WWOX: variants seen among roughly 807,000 people sequenced by gnomAD.
The protein encoded by WWOX is WW domain-containing oxidoreductase.
In WWOX, 69 loss-of-function variants were observed where a neutral mutation model predicts 46.2. The observed-to-expected ratio is 1.49, with a 90% CI of 1.23 to 1.82. The LOEUF is 1.82. Ranked by LOEUF, WWOX falls within the 40% of genes most tolerant of loss-of-function variation. WWOX has a pLI of 0.00. For missense variants in WWOX, 919 were observed against 542.6 expected, an observed-to-expected ratio of 1.69 and a Z score of -6.89; for synonymous variants, 359 against 202.6, an observed-to-expected ratio of 1.77 and a Z score of -6.56.
chr16:78,249,429 C>T (rs2037920314), intron 5 of WWOX, among the ~76,000 whole-genome samples: 1 of 152,194 alleles, frequency 6.6e-6, no homozygotes, highest in African/African-American at 2.4e-5. Context: ...CAGTGCACGC[C>T]GCATTAGCCT....
At chr16:79,048,536 G>T (rs2150524347) in intron 8 of WWOX, among the ~76,000 whole-genome samples, 1 of 152,016 alleles carries the variant, frequency 6.6e-6, no homozygotes, top group Non-Finnish European at 1.5e-5. Context: ...TAAAAATTTG[G>T]TATCAATTGT....
At chr16:78,321,805 C>T (rs1426597746) in intron 5 of WWOX, among the ~76,000 whole-genome samples, 1 of 152,116 alleles carries the variant, frequency 6.6e-6, no homozygotes, top group African/African-American at 2.4e-5. Flanking sequence ...TTAGTGTTTC[C>T]AGCACAGCTC....
In WWOX at chr16:78,561,833, C is replaced by T. The variant is rs539343868; in HGVS notation, c.1056+129081C>T. Among the ~76,000 whole-genome samples, 8 of 152,242 alleles carry T rather than the reference C, an allele frequency of 5.3e-5. No homozygotes were observed. The South Asian group carries it at 1.7e-3, about 32-fold the overall frequency. ...GGTTCCTTCTATGGCTCAGGATCTTCAGTTACCAGCAGTGGAAGTGAATTG... is the reference window on the plus strand; with the variant it reads ...GGTTCCTTCTATGGCTCAGGATCTTTAGTTACCAGCAGTGGAAGTGAATTG... On this transcript the variant is annotated intron_variant, in intron 8 of 8. Coordinates refer to ENST00000566780, the MANE Select transcript of WWOX (RefSeq NM_016373.4).
chr16:78,837,551 A>C (rs773804920), intron 8 of WWOX, among the ~76,000 whole-genome samples: 1 of 152,080 alleles, frequency 6.6e-6, no homozygotes, highest in Non-Finnish European at 1.5e-5. Context: ...TTTTTTTATT[A>C]TTATTTTTTA....
chr16:78,561,899 T>C (rs2044447573), intron 8 of WWOX, among the ~76,000 whole-genome samples: 1 of 152,202 alleles, frequency 6.6e-6, no homozygotes, highest in African/African-American at 2.4e-5. Context: ...CAACTCATTA[T>C]CTTCTCTGTG....
intron 8 of WWOX, among the ~76,000 whole-genome samples, chr16:78,764,755 A>G (rs1429483056): frequency 1.3e-5 from 2 of 151,628 alleles, no homozygotes; most frequent in South Asian, 2.1e-4. Context: ...TCAATGAGGT[A>G]CTGCTTGCAA....
Position 78,812,143 on chromosome 16 carries a change from A to T in WWOX, c.1056+379391A>T, listed in dbSNP as rs944619668. 5.3e-5 allele frequency among the ~76,000 whole-genome samples: 8 copies of T among 152,168 alleles called. No individual in the cohort carries two copies. The East Asian group carries it at 1.6e-3, about 30-fold the overall frequency. On this transcript the variant is annotated intron_variant, in intron 8 of 8. Coordinates refer to ENST00000566780, the MANE Select transcript of WWOX (RefSeq NM_016373.4). Reference sequence around the variant, plus strand: ...ACAGAGACCAAATACAGTAGGTACCAATGCATGGCAATGCATAGGAACTAG... The same window carrying T: ...ACAGAGACCAAATACAGTAGGTACCTATGCATGGCAATGCATAGGAACTAG...
chr16:78,151,592 G>T (rs1267619588), intron 4 of WWOX, among the ~76,000 whole-genome samples: 2 of 152,122 alleles, frequency 1.3e-5, no homozygotes. Flanking sequence ...GAAATACCTT[G>T]TTTGGAATAG....
chr16:78,321,256 A>G (rs2080460671), intron 5 of WWOX, among the ~76,000 whole-genome samples: 1 of 149,074 alleles, frequency 6.7e-6, no homozygotes, highest in African/African-American at 2.5e-5. Context: ...TTAAGGCAAC[A>G]CGTAGGTTCT....
At chr16:78,894,911 C>T (rs2044668491) in intron 8 of WWOX, among the ~76,000 whole-genome samples, 1 of 152,146 alleles carries the variant, frequency 6.6e-6, no homozygotes. Flanking sequence ...CAGAAATTAT[C>T]TGATGACGGG....
chr16:78,437,998 C>G (rs536268205), intron 8 of WWOX, among the ~76,000 whole-genome samples: 1 of 151,998 alleles, frequency 6.6e-6, no homozygotes, highest in Admixed American at 6.6e-5. Context: ...GGTTTTAATT[C>G]ACAAAACCAG....
chr16:78,685,051 C>G (rs1356798033), intron 8 of WWOX, among the ~76,000 whole-genome samples: 2 of 152,118 alleles, frequency 1.3e-5, no homozygotes, highest in Admixed American at 1.3e-4. Flanking sequence ...TTTCTCTGTG[C>G]TGTTCACTGT....
intron 8 of WWOX, chr16:78,898,599 C>A (rs909584482): frequency 2.0e-5 from 3 of 152,062 alleles, no homozygotes; most frequent in Non-Finnish European, 4.4e-5. Flanking sequence ...AGTTTAGATA[C>A]TTTCCTTTTA....
chr16:78,952,278 C>T (rs1206955085), intron 8 of WWOX, among the ~76,000 whole-genome samples: 2 of 152,164 alleles, frequency 1.3e-5, no homozygotes, highest in African/African-American at 4.8e-5. Context: ...GGAAGCCTTC[C>T]ATGACTGCAT....
At chr16:78,975,633 A>C (rs143384217) in intron 8 of WWOX, among the ~76,000 whole-genome samples, 5 of 152,048 alleles carry the variant, frequency 3.3e-5, no homozygotes, top group Admixed American at 1.3e-4. Flanking sequence ...TTATTCCCCA[A>C]CTGTCGTCCC....
intron 8 of WWOX, among the ~76,000 whole-genome samples, chr16:78,444,812 G>C (rs1567577466): frequency 6.6e-6 from 1 of 152,144 alleles, no homozygotes; most frequent in African/African-American, 2.4e-5. Flanking sequence ...TTACAGGCGT[G>C]AGCCACCGCA....
intron 8 of WWOX, among the ~76,000 whole-genome samples, chr16:78,722,791 A>G (rs2048726325): frequency 6.7e-6 from 1 of 149,572 alleles, no homozygotes; most frequent in Non-Finnish European, 1.5e-5. Context: ...CTGTAATCTC[A>G]GCACTTTAGG....
intron 8 of WWOX, among the ~76,000 whole-genome samples, chr16:78,956,222 T>G (rs1001687639): frequency 3.9e-5 from 6 of 152,136 alleles, no homozygotes; most frequent in African/African-American, 1.4e-4. Flanking sequence ...CTCAGCTCAC[T>G]GTAGCCTTGA....
intron 8 of WWOX, chr16:78,873,190 A>C (rs924747950): frequency 6.6e-6 from 1 of 152,148 alleles, no homozygotes; most frequent in Non-Finnish European, 1.5e-5. Context: ...TGAGTCGTGC[A>C]CTTATTATGT....
Sources: gnomAD v4.1 joint callset for allele counts (sites outside exome capture counted in the v4.1 genomes callset) on GRCh38, gnomAD v4.1.1 for gene constraint, MANE v1.5 for transcripts, NCBI Gene and HGNC (gene_info 2026-07-23, HGNC 2026-07-21) for gene names.